The following TMC6 variants were observed in gnomAD, a reference collection of about 807,000 sequenced individuals.
TMC6 encodes the protein transmembrane channel-like protein 6.
TMC6 carries 71 observed loss-of-function variants against 95.4 expected under a neutral mutation model. The ratio of observed to expected loss-of-function variants is 0.74; its 90% CI spans 0.61 to 0.91. The LOEUF is 0.91. Among genes scored for constraint, TMC6 ranks in the 40% least tolerant of loss-of-function variants. The pLI, the probability that TMC6 is intolerant of heterozygous loss-of-function variation, is 0.00. For synonymous variants in TMC6, 514 were observed against 483.1 expected (o/e 1.06, Z -0.84); for missense variants, 1,074 against 1,079.1 (o/e 1.00, Z 0.07).
chr17:78,126,155 G>A (rs933061737), intron 4 of TMC6, 122 bp downstream of exon 4: 4 of 1,384,394 alleles, frequency 2.9e-6, no homozygotes, highest in Non-Finnish European at 3.9e-6. Context: ...CCCTGGGCCT[G>A]GCTCTGAGCT....
Position 78,119,220 on chromosome 17 carries a change from G to A in TMC6, c.1811+77C>T, listed in dbSNP as rs58711252. On this transcript the variant is annotated intron_variant, in intron 14 of 19. Coordinates refer to ENST00000590602, the MANE Select transcript of TMC6 (RefSeq NM_001127198.5). ...GGCCTGGCTGTGGCCCCAGGGGGAG[G>A]CAGGTACAGGACCCCCGGGGGGAAA... 0.1 allele frequency: 162,634 copies of A among 1,566,822 alleles called. 9,531 individuals carry two copies. Among genetic ancestry groups the A allele is most frequent in the South Asian group, 0.21 (19,081 of 90,188 alleles).
At chr17:78,125,343 G>C (rs2074652750) in intron 5 of TMC6, 80 bp from the exon 6 acceptor site, 3 of 1,292,730 alleles carry the variant, frequency 2.3e-6, no homozygotes, top group Non-Finnish European at 2.2e-6. Flanking sequence ...GGTCAGGCCT[G>C]TGTGTCCCTG....
chr17:78,123,003 T>C (rs1256623818), intron 9 of TMC6: 2 of 583,856 alleles, frequency 3.4e-6, no homozygotes, highest in Admixed American at 5.7e-5. Context: ...CTTGGCTGGC[T>C]GCCTCCCAGC....
At chr17:78,119,161 G>T in intron 14 of TMC6, 115 bp from the exon 15 acceptor site, 4 of 1,494,954 alleles carry the variant, frequency 2.7e-6, no homozygotes, top group Non-Finnish European at 3.7e-6. Context: ...AGTCCCCGGG[G>T]TTAGGGTCTG....
At chr17:78,114,688 A>T (rs753442474) in intron 18 of TMC6, among the ~76,000 whole-genome samples, 12 of 151,980 alleles carry the variant, frequency 7.9e-5, no homozygotes, top group Non-Finnish European at 1.6e-4. Flanking sequence ...GCCTAGGAGG[A>T]CCACTTAGAA....
chr17:78,118,222 T>G (rs1417879567), intron 15 of TMC6: 1 of 531,536 alleles, frequency 1.9e-6, no homozygotes, highest in East Asian at 3.4e-5. Context: ...TGGAACATGG[T>G]CCCCACTGCA....
intron 13 of TMC6, chr17:78,120,238 C>A (rs1047076164): frequency 2.8e-6 from 1 of 359,104 alleles, no homozygotes; most frequent in Middle Eastern, 1.0e-3. Flanking sequence ...CAGCTCACTA[C>A]AACCTCCGCT....
chr17:78,109,206 CAAG>C lies in TMC6; in HGVS notation c.*3939_*3941del, dbSNP rs1260004687. ...CCCAGCAGCTAGCAGTGTGGCGTGC[CAAG>C]AAGGCTGTTCCAATGGGGGAGAAGC... On this transcript the variant is annotated 3_prime_UTR_variant, in exon 20 of 20. Coordinates refer to ENST00000590602, the MANE Select transcript of TMC6 (RefSeq NM_001127198.5). The C allele has an allele frequency of 5.3e-5, 18 of 341,976 alleles. No individual in the cohort carries two copies. In the East Asian group the frequency reaches 1.3e-3, roughly 26 times the overall value. 21.2% of individuals were successfully genotyped at this position (341,976 alleles called of 1,614,324 possible).
rs967185250 is a variant in TMC6 at position 78,123,896 on chromosome 17, A to C, written c.1082+93T>G. 7.2e-6 allele frequency: 11 copies of C among 1,519,060 alleles called. No homozygotes were observed. The African/African-American group carries it at 1.4e-4, about 19-fold the overall frequency. The allele number at this position is 1,519,060 out of a possible 1,614,324, so 94.1% of individuals were successfully genotyped here. ...GCAGACAGGTAGATGGACAGAAGGAAGAAAGGAAGAGGGAAGAATCAATGA... is the reference window on the plus strand; with the variant it reads ...GCAGACAGGTAGATGGACAGAAGGACGAAAGGAAGAGGGAAGAATCAATGA... On this transcript the variant is annotated intron_variant, in intron 9 of 19. Transcript: ENST00000590602.
chr17:78,128,774 G>C (rs2074873444), upstream of TMC6: 1 of 109,772 alleles, frequency 9.1e-6, no homozygotes, highest in Non-Finnish European at 1.9e-5. The surrounding 1 kb of genome is among the most constrained non-coding windows in gnomAD (Gnocchi z 4.0). Flanking sequence ...CGGGGGAGTA[G>C]CCGCACCTCC....
At position 78,124,967 on chromosome 17, in the gene TMC6, C is replaced by T. The variant is rs941812014; in HGVS notation, c.555G>A (p.Pro185=). The change falls in exon 7 of 20, where the codon CCG becomes CCA. Residue 185 remains proline, a synonymous_variant. Coordinates refer to ENST00000590602, the MANE Select transcript of TMC6 (RefSeq NM_001127198.5). ...KRSLREKSRT[P]RGKWRGQPGS... ...CCGGCTGGCCCCTCCACTTCCCCCT[C>T]GGGGTCCTGCTCTTCTCTCTGGGGA... The T allele has an allele frequency of 2.3e-5, 36 of 1,593,346 alleles. No homozygotes were observed. Among genetic ancestry groups the T allele is most frequent in the Admixed American group, 1.0e-4 (6 of 57,890 alleles).
chr17:78,131,403 C>A, upstream of TMC6: 1 of 777,852 alleles, frequency 1.3e-6, no homozygotes, highest in South Asian at 1.7e-5. Context: ...GCGGCAGACC[C>A]GGGCAAGTGA....
In TMC6 at chr17:78,125,872, C is replaced by A; in HGVS notation, c.284G>T (p.Gly95Val). ...MPSRTIGRSRGAIISQYYNRT... is the reference protein window; with the variant it reads ...MPSRTIGRSRVAIISQYYNRT... ...GTTGTAGTACTGGGAGATGATGGCACCTCGGCTGCGGCCTATGGAGGCAGC... is the reference window on the plus strand; with the variant it reads ...GTTGTAGTACTGGGAGATGATGGCAACTCGGCTGCGGCCTATGGAGGCAGC... The change falls in exon 5 of 20, where the codon GGT (glycine) becomes GTT (valine). Residue 95 changes from glycine (G) to valine (V), a missense_variant. Transcript: ENST00000590602. 6.4e-7 allele frequency: 1 copy of A among 1,550,932 alleles called. No homozygotes were observed. The highest frequency in any genetic ancestry group is 1.2e-5 in the South Asian group (1 of 84,090).
chr17:78,121,093 C>A lies in TMC6; in HGVS notation c.1455G>T (p.Gly485=). Residue 485 remains glycine (G), a synonymous_variant, in exon 12 of 20, where the codon GGG becomes GGT. Transcript: ENST00000590602. This position sits in a 1 kb window ranked among gnomAD's most constrained non-coding sequence, Gnocchi z 5.6. ...LPLVVGLLNL[G]APYLCRVLAA... Reference sequence around the variant, plus strand: ...CCAGGACACGGCACAGGTAGGGGGCCCCCAGGTTGAGGAGGCCAACCACCA... The same window carrying A: ...CCAGGACACGGCACAGGTAGGGGGCACCCAGGTTGAGGAGGCCAACCACCA... 1 of 1,612,674 alleles carries A rather than the reference C, an allele frequency of 6.2e-7. No homozygotes were observed. Among genetic ancestry groups the A allele is most frequent in the Non-Finnish European group, 8.5e-7 (1 of 1,179,796 alleles).
Position 78,121,170 on chromosome 17 carries a change from G to A in TMC6, c.1384-6C>T. The A allele has an allele frequency of 6.3e-7, 1 of 1,581,484 alleles. No individual in the cohort carries two copies. Among genetic ancestry groups the A allele is most frequent in the Non-Finnish European group, 8.6e-7 (1 of 1,164,432 alleles). On this transcript the variant is annotated splice_polypyrimidine_tract_variant and splice_region_variant and intron_variant, in intron 11 of 19. Transcript: ENST00000590602. The surrounding 1 kb of genome is among the most constrained non-coding windows in gnomAD (Gnocchi z 5.6). ...TGGCCAGCAGCCTCTGGACTCTGCAGGGGTGCAGGGAGCGGTGTCATGGAA... is the reference window on the plus strand; with the variant it reads ...TGGCCAGCAGCCTCTGGACTCTGCAAGGGTGCAGGGAGCGGTGTCATGGAA...
At chr17:78,125,339 G>A (rs2074652486) in intron 5 of TMC6, 76 bp from the exon 6 acceptor site, 1 of 1,339,042 alleles carries the variant, frequency 7.5e-7, no homozygotes, top group Non-Finnish European at 1.0e-6. Flanking sequence ...CCCTGGTCAG[G>A]CCTGTGTGTC....
intron 13 of TMC6, chr17:78,119,678 G>C (rs1200449135): frequency 6.3e-6 from 3 of 476,578 alleles, no homozygotes; most frequent in South Asian, 2.0e-5. Flanking sequence ...TCTGTTGTCC[G>C]GGCTGGAGCA....
Position 78,122,052 on chromosome 17 carries a change from C to T in TMC6, c.1228-341G>A, listed in dbSNP as rs1260350121. Among the ~76,000 whole-genome samples the T allele has an allele frequency of 6.6e-6, 1 of 152,112 alleles. No individual in the cohort carries two copies. Among genetic ancestry groups the T allele is most frequent in the Non-Finnish European group, 1.5e-5 (1 of 68,012 alleles). On this transcript the variant is annotated intron_variant, in intron 10 of 19. Transcript: ENST00000590602. This position sits in a 1 kb window ranked among gnomAD's most constrained non-coding sequence, Gnocchi z 4.9. ...CCTGTTCCCTGTGGATGTGGGTGGC[C>T]CCCAGTGACCAGAAGCCCCCCTACA... is the stretch of plus-strand genomic sequence containing the variant.
At chr17:78,125,533 A>C (rs1427553724) in intron 5 of TMC6, among the ~76,000 whole-genome samples, 193 bp downstream of exon 5, 1 of 152,214 alleles carries the variant, frequency 6.6e-6, no homozygotes, top group Non-Finnish European at 1.5e-5. Context: ...GGCGCTTGTG[A>C]GGTAAGACCC....
Sources: allele counts gnomAD v4.1 joint callset (sites outside exome capture counted in the v4.1 genomes callset), GRCh38; gene constraint gnomAD v4.1.1; non-coding constraint Gnocchi (gnomAD v3.1); transcripts MANE v1.5; gene names NCBI Gene and HGNC (gene_info 2026-07-23, HGNC 2026-07-21).